Variants in GHR observed in about 807,000 individuals in gnomAD.
GHR encodes the protein growth hormone receptor.
Under a neutral mutation model 67.1 loss-of-function variants are expected in GHR, and 35 were observed. The observed-to-expected ratio is 0.52, with a 90% CI of 0.40 to 0.69. The LOEUF is 0.69. GHR is among the 30% of genes least tolerant of loss of function. The pLI is 0.00. For missense variants in GHR, 792 were observed against 764.6 expected (o/e 1.04, Z -0.42); for synonymous variants, 272 against 269.1 (o/e 1.01, Z -0.10).
intron 1 of GHR, among the ~76,000 whole-genome samples, chr5:42,512,316 G>T (rs2112269226): frequency 6.6e-6 from 1 of 152,240 alleles, no homozygotes; most frequent in African/African-American, 2.4e-5. Context: ...AAGAAGTACA[G>T]ATTTCTGAGG....
intron 1 of GHR, among the ~76,000 whole-genome samples, chr5:42,508,854 G>A (rs939225364): frequency 1.2e-4 from 19 of 152,170 alleles, no homozygotes; most frequent in Admixed American, 2.0e-4. Flanking sequence ...GATTACAGGC[G>A]TGAGCCACCG....
intron 3 of GHR, among the ~76,000 whole-genome samples, chr5:42,654,656 G>T (rs59080381): frequency 2.6e-5 from 4 of 152,128 alleles, no homozygotes; most frequent in African/African-American, 9.6e-5. Context: ...AAATCAACTA[G>T]GGGGCAAAAA....
At chr5:42,542,781 A>G (rs1748572473) in intron 1 of GHR, among the ~76,000 whole-genome samples, 1 of 151,946 alleles carries the variant, frequency 6.6e-6, no homozygotes, top group Non-Finnish European at 1.5e-5. Context: ...TTTATCCCTC[A>G]GCCACCCCTA....
intron 2 of GHR, among the ~76,000 whole-genome samples, chr5:42,582,382 T>C (rs1751225371): frequency 6.6e-6 from 1 of 152,164 alleles, no homozygotes. Context: ...AGCACACCCT[T>C]CCTCCCTTCT....
intron 2 of GHR, among the ~76,000 whole-genome samples, chr5:42,621,644 G>T (rs1272006777): frequency 6.6e-6 from 1 of 152,148 alleles, no homozygotes. Flanking sequence ...GCAAAATGTG[G>T]CTACTGCAGA....
intron 3 of GHR, among the ~76,000 whole-genome samples, chr5:42,653,465 C>CA (rs1755104863): frequency 6.6e-6 from 1 of 152,016 alleles, no homozygotes; most frequent in South Asian, 2.1e-4. Context: ...CAAAAAGCAC[C>CA]AATACAAATC....
intron 3 of GHR, among the ~76,000 whole-genome samples, chr5:42,687,596 C>T (rs1757222294): frequency 2.0e-5 from 3 of 152,184 alleles, no homozygotes; most frequent in East Asian, 1.9e-4. Context: ...AGGTTTATAA[C>T]ATCCCATGCC....
chr5:42,660,160 A>G (rs1296782700), intron 3 of GHR, among the ~76,000 whole-genome samples: 4 of 152,332 alleles, frequency 2.6e-5, no homozygotes, highest in Admixed American at 2.6e-4. Context: ...CTGCCTCTGT[A>G]GACTCCACCT....
At chr5:42,596,529 G>A (rs1320221646) in intron 2 of GHR, among the ~76,000 whole-genome samples, 1 of 152,178 alleles carries the variant, frequency 6.6e-6, no homozygotes, top group Non-Finnish European at 1.5e-5. Flanking sequence ...AGGGCCCTTA[G>A]ACTGTGGGAT....
At chr5:42,581,935 C>T (rs758997530) in intron 2 of GHR, among the ~76,000 whole-genome samples, 1 of 152,250 alleles carries the variant, frequency 6.6e-6, no homozygotes, top group Non-Finnish European at 1.5e-5. Flanking sequence ...CCTCTCCCTG[C>T]ACCTGCACCC....
chr5:42,697,650 G>A (rs992726941), intron 5 of GHR, among the ~76,000 whole-genome samples: 1 of 152,134 alleles, frequency 6.6e-6, no homozygotes, highest in Non-Finnish European at 1.5e-5. Flanking sequence ...CGAGGAGACT[G>A]GTATGAGACC....
Position 42,641,699 on chromosome 5 carries a change from G to T in GHR, c.136+12596G>T, listed in dbSNP as rs549129401. Among the ~76,000 whole-genome samples, 10 of 152,230 alleles carry T rather than the reference G, an allele frequency of 6.6e-5. No individual in the cohort carries two copies. In the East Asian group the frequency reaches 1.9e-3, roughly 29 times the overall value. On this transcript the variant is annotated intron_variant, in intron 3 of 9. Coordinates refer to ENST00000230882, the MANE Select transcript of GHR (RefSeq NM_000163.5). ...AAGACCAGCTGGGGCAAATATTTTGGATTAAGTAAAATTTGTCTTGGGTAA... is the reference window on the plus strand; with the variant it reads ...AAGACCAGCTGGGGCAAATATTTTGTATTAAGTAAAATTTGTCTTGGGTAA...
At chr5:42,436,316 C>A (rs1032870327) in intron 1 of GHR, among the ~76,000 whole-genome samples, 3 of 152,174 alleles carry the variant, frequency 2.0e-5, no homozygotes, top group Admixed American at 2.0e-4. Context: ...CAATTACTCC[C>A]ACACTTCTCC....
chr5:42,534,301 T>G (rs1268226950), intron 1 of GHR, among the ~76,000 whole-genome samples: 1 of 141,444 alleles, frequency 7.1e-6, no homozygotes, highest in Non-Finnish European at 1.5e-5. Flanking sequence ...TGTGTATATG[T>G]GTATATATGT....
chr5:42,445,139 TTC>T (rs1743751786), intron 1 of GHR, among the ~76,000 whole-genome samples: 2 of 152,350 alleles, frequency 1.3e-5, no homozygotes, highest in Admixed American at 1.3e-4. Context: ...TTTTTGTGTG[TTC>T]TCTATAGTAC....
chr5:42,456,410 G>A (rs973197543), intron 1 of GHR, among the ~76,000 whole-genome samples: 3 of 152,186 alleles, frequency 2.0e-5, no homozygotes, highest in Non-Finnish European at 4.4e-5. Flanking sequence ...CTGTTTTAAG[G>A]TAGGACTAAA....
chr5:42,657,101 G>A (rs1485163067), intron 3 of GHR, among the ~76,000 whole-genome samples: 2 of 151,978 alleles, frequency 1.3e-5, no homozygotes, highest in African/African-American at 4.8e-5. Flanking sequence ...AACTGGGTAG[G>A]GGCTTAGCAG....
chr5:42,575,559 A>G (rs1308898643), intron 2 of GHR, among the ~76,000 whole-genome samples: 5 of 151,888 alleles, frequency 3.3e-5, no homozygotes, highest in African/African-American at 1.2e-4. Flanking sequence ...AGTTGTCCAG[A>G]TTATCCTCAG....
At chr5:42,468,006 C>G in intron 1 of GHR, 1 of 747,290 alleles carries the variant, frequency 1.3e-6, no homozygotes, top group Middle Eastern at 2.4e-4. Flanking sequence ...TTTTCACAAG[C>G]CTCTCTTAAC....
Sources: allele counts gnomAD v4.1 joint callset (sites outside exome capture counted in the v4.1 genomes callset), GRCh38; gene constraint gnomAD v4.1.1; transcripts MANE v1.5; gene names NCBI Gene and HGNC (gene_info 2026-07-23, HGNC 2026-07-21).